Variants in GPC5 observed in about 807,000 individuals in gnomAD.
GPC5 encodes the protein glypican-5.
Under a neutral mutation model 53.9 loss-of-function variants are expected in GPC5, and 47 were observed. The ratio of observed to expected loss-of-function variants is 0.87; its 90% CI spans 0.69 to 1.11. GPC5 has a LOEUF of 1.11. GPC5 is among the 50% of genes most tolerant of loss of function. The pLI is 0.00. For synonymous variants in GPC5, 286 were observed against 263.3 expected, an observed-to-expected ratio of 1.09 and a Z score of -0.84; for missense variants, 748 against 713.1, an observed-to-expected ratio of 1.05 and a Z score of -0.56.
intron 7 of GPC5, among the ~76,000 whole-genome samples, chr13:92,293,041 C>T (rs1335161186): frequency 1.3e-5 from 2 of 151,930 alleles, no homozygotes; most frequent in African/African-American, 4.8e-5. Flanking sequence ...ATTTTTATAC[C>T]AGTACCATGC....
At chr13:91,923,240 T>A (rs1019770635) in intron 6 of GPC5, among the ~76,000 whole-genome samples, 16 of 152,170 alleles carry the variant, frequency 1.1e-4, no homozygotes, top group African/African-American at 3.9e-4. Context: ...GAGTCCATAA[T>A]GTTTTGCGGA....
chr13:92,169,206 T>C (rs2042052446), intron 7 of GPC5, among the ~76,000 whole-genome samples: 1 of 151,992 alleles, frequency 6.6e-6, no homozygotes, highest in Non-Finnish European at 1.5e-5. Flanking sequence ...AGGGAGAGCA[T>C]TGGGAAAAAA....
At chr13:91,713,415 C>T (rs1488860743) in intron 3 of GPC5, among the ~76,000 whole-genome samples, 5 of 151,970 alleles carry the variant, frequency 3.3e-5, no homozygotes, top group East Asian at 3.9e-4. Flanking sequence ...CATTTTCCAC[C>T]GTTCCTAATA....
intron 6 of GPC5, among the ~76,000 whole-genome samples, chr13:92,018,491 T>C (rs1481231424): frequency 6.6e-6 from 1 of 152,068 alleles, no homozygotes; most frequent in East Asian, 1.9e-4. Flanking sequence ...ATATTTGTGT[T>C]TGAATGGTAC....
At chr13:91,927,330 T>C (rs1215349938) in intron 6 of GPC5, among the ~76,000 whole-genome samples, 1 of 152,142 alleles carries the variant, frequency 6.6e-6, no homozygotes, top group Non-Finnish European at 1.5e-5. Flanking sequence ...TTTGCGGTCT[T>C]AATATCCTGG....
intron 2 of GPC5, among the ~76,000 whole-genome samples, chr13:91,676,817 A>G (rs1378727936): frequency 6.6e-6 from 1 of 152,186 alleles, no homozygotes; most frequent in African/African-American, 2.4e-5. Context: ...TTTGATAAGA[A>G]GCTGTTGTTG....
intron 7 of GPC5, among the ~76,000 whole-genome samples, chr13:92,517,876 T>C (rs1880859129): frequency 1.3e-5 from 2 of 152,202 alleles, no homozygotes; most frequent in African/African-American, 4.8e-5. Flanking sequence ...ATCCAACTTC[T>C]CCAAGCTAAA....
rs1877247937 is a variant in GPC5 at position 92,435,080 on chromosome 13, A to G, written c.1561+290091A>G. Among the ~76,000 whole-genome samples, 5 of 151,930 alleles carry G rather than the reference A, an allele frequency of 3.3e-5. No individual in the cohort carries two copies. The South Asian group carries it at 1.0e-3, about 32-fold the overall frequency. ...CAGGTGCATGCCACCACACCCAGCT[A>G]ATTTTTGTATTTTTAGTAGAGACGG... On this transcript the variant is annotated intron_variant, in intron 7 of 7. Coordinates refer to ENST00000377067, the MANE Select transcript of GPC5 (RefSeq NM_004466.6).
At position 92,169,243 on chromosome 13, in the gene GPC5, G is replaced by A. The variant is rs112600585; in HGVS notation, c.1561+24254G>A. 7.0e-3 allele frequency among the ~76,000 whole-genome samples: 1,061 copies of A among 152,298 alleles called. 10 individuals are homozygous for A. The highest frequency in any genetic ancestry group is 0.024 in the African/African-American group (1,008 of 41,550). The stretch of plus-strand genomic sequence containing the variant: ...AGCTAATGCATGCTGGGCTTAATAC[G>A]TAGGTGATGGGTTGATAGGTGCAGC... On this transcript the variant is annotated intron_variant, in intron 7 of 7. Coordinates refer to ENST00000377067, the MANE Select transcript of GPC5 (RefSeq NM_004466.6).
intron 7 of GPC5, among the ~76,000 whole-genome samples, chr13:92,215,099 A>G (rs139807126): frequency 6.6e-6 from 1 of 152,204 alleles, no homozygotes. Context: ...AGTTTTTGAA[A>G]CCCTAAAAGG....
chr13:91,652,594 C>G (rs2034743026), intron 2 of GPC5, among the ~76,000 whole-genome samples: 2 of 152,156 alleles, frequency 1.3e-5, no homozygotes, highest in African/African-American at 4.8e-5. Flanking sequence ...AGGGATGATT[C>G]ATGCCTTGGG....
intron 5 of GPC5, among the ~76,000 whole-genome samples, chr13:91,868,559 G>T (rs929956049): frequency 6.6e-6 from 1 of 152,036 alleles, no homozygotes; most frequent in African/African-American, 2.4e-5. Flanking sequence ...TAAAAAATTA[G>T]CTGGGTCTGG....
chr13:91,875,051 A>G (rs1010222260), intron 5 of GPC5, among the ~76,000 whole-genome samples: 1 of 152,180 alleles, frequency 6.6e-6, no homozygotes, highest in African/African-American at 2.4e-5. Flanking sequence ...GGTAATCTCA[A>G]ATCTCCAAGG....
chr13:92,183,490 A>G (rs1165242719), intron 7 of GPC5, among the ~76,000 whole-genome samples: 2 of 152,162 alleles, frequency 1.3e-5, no homozygotes, highest in East Asian at 3.9e-4. Flanking sequence ...TTCATTAACC[A>G]TTTAACCATG....
At chr13:91,940,462 C>T (rs1160330238) in intron 6 of GPC5, among the ~76,000 whole-genome samples, 2 of 152,062 alleles carry the variant, frequency 1.3e-5, no homozygotes, top group Non-Finnish European at 2.9e-5. Context: ...TGTATAAGTG[C>T]ATGTGTCCTT....
chr13:92,313,393 T>C (rs2043158454), intron 7 of GPC5, among the ~76,000 whole-genome samples: 1 of 152,188 alleles, frequency 6.6e-6, no homozygotes, highest in Non-Finnish European at 1.5e-5. Flanking sequence ...AAAAGCCACA[T>C]AGTGTCTGAA....
rs1366056555 is a variant in GPC5, at chr13:92,804,376, A to C, written c.1562-61906A>C. ...AATATTGCAGGTTTGGTTCTAGACC[A>C]CAACAATAAAGCAAGTATCACAATA... On this transcript the variant is annotated intron_variant, in intron 7 of 7. Coordinates refer to ENST00000377067, the MANE Select transcript of GPC5 (RefSeq NM_004466.6). Among the ~76,000 whole-genome samples, 3 of 152,030 alleles carry C rather than the reference A, an allele frequency of 2.0e-5. No homozygotes were observed. In the East Asian group the frequency reaches 5.8e-4, roughly 29 times the overall value.
At chr13:91,628,034 A>G (rs1566564729) in intron 2 of GPC5, among the ~76,000 whole-genome samples, 1 of 152,052 alleles carries the variant, frequency 6.6e-6, no homozygotes, top group Non-Finnish European at 1.5e-5. Context: ...ATCTAAATAA[A>G]ATCAATTTTG....
intron 7 of GPC5, among the ~76,000 whole-genome samples, chr13:92,781,514 C>G (rs868281336): frequency 1.3e-5 from 2 of 151,890 alleles, no homozygotes; most frequent in African/African-American, 4.8e-5. Context: ...TAGTAGATCT[C>G]TAGATAATAT....
Sources: gnomAD v4.1 joint callset for allele counts (sites outside exome capture counted in the v4.1 genomes callset) on GRCh38, gnomAD v4.1.1 for gene constraint, MANE v1.5 for transcripts, NCBI Gene and HGNC (gene_info 2026-07-23, HGNC 2026-07-21) for gene names.